Variants in HR observed in about 807,000 individuals in gnomAD.
HR encodes the protein lysine-specific demethylase hairless.
Under a neutral mutation model 128.6 loss-of-function variants are expected in HR, and 83 were observed. The ratio of observed to expected loss-of-function variants is 0.65; its 90% CI spans 0.54 to 0.77. The LOEUF is 0.77. HR is among the 30% of genes least tolerant of loss of function. The probability of loss-of-function intolerance (pLI) is 0.00; values close to 1 mark genes in which losing one functional copy is unlikely to be tolerated. For synonymous variants in HR, 681 were observed against 658.2 expected (o/e 1.03, Z -0.53); for missense variants, 1,490 against 1,574.6 (o/e 0.95, Z 0.91).
intron 13 of HR, 55 bp from the exon 14 acceptor site, chr8:22,119,945 A>G: frequency 3.7e-6 from 6 of 1,610,910 alleles, no homozygotes; most frequent in Non-Finnish European, 5.1e-6. Flanking sequence ...CAGAGACCCC[A>G]TCAAAGCCCC....
Position 22,128,829 on chromosome 8 carries a change from C to T in HR, c.342G>A (p.Ala114=), listed in dbSNP as rs780238003. ...LTHPLAFCGP[A]CPPRCGPLMP... ...TCAGGGGGCCACAGCGAGGTGGGCA[C>T]GCTGGCCCGCAGAATGCCAGCGGAT... is the stretch of plus-strand genomic sequence containing the variant. The change falls in exon 2 of 19, where the codon GCG becomes GCA. Residue 114 remains alanine, a synonymous_variant. Transcript: ENST00000381418. The T allele has an allele frequency of 5.6e-6, 9 of 1,613,208 alleles. 1 individual carries two copies. The highest frequency in any genetic ancestry group is 3.3e-5 in the South Asian group (3 of 91,066).
intron 16 of HR, chr8:22,117,507 ACAACT>A (rs60990664): frequency 0.1 from 16,141 of 157,264 alleles, 850 homozygotes; most frequent in Middle Eastern, 0.13. Flanking sequence ...CCCTGGGGAG[ACAACT>A]CAAAGTGTTC....
At chr8:22,127,015 C>A (rs1387307127) in intron 3 of HR, 22 bp downstream of exon 3, 2 of 1,605,516 alleles carry the variant, frequency 1.2e-6, no homozygotes, top group South Asian at 1.1e-5. Context: ...GCAGGGCCTG[C>A]AGCCCCTCCT....
At chr8:22,126,903 C>G in intron 3 of HR, 134 bp downstream of exon 3, 1 of 830,124 alleles carries the variant, frequency 1.2e-6, no homozygotes, top group Non-Finnish European at 1.9e-6. Context: ...CCCAGAGAGC[C>G]CTCGTGATCC....
At position 22,116,490 on chromosome 8, in the gene HR, G is replaced by A; in HGVS notation, c.3379-62C>T. 6.3e-7 allele frequency: 1 copy of A among 1,577,738 alleles called. No individual in the cohort carries two copies. The highest frequency in any genetic ancestry group is 1.2e-5 in the South Asian group (1 of 86,016). ...CACACATCCTCTCCCTGTCCCCCTG[G>A]TCCCTGAGGTTCGCTTCCTCTAATG... is the stretch of plus-strand genomic sequence containing the variant. On this transcript the variant is annotated intron_variant, in intron 17 of 18. Coordinates refer to ENST00000381418, the MANE Select transcript of HR (RefSeq NM_005144.5). The surrounding 1 kb of genome is among the most constrained non-coding windows in gnomAD (Gnocchi z 4.2).
rs1826863261 is a variant in HR at position 22,125,487 on chromosome 8, T to C, written c.1574A>G (p.Glu525Gly). 2 of 1,613,360 alleles carry C rather than the reference T, an allele frequency of 1.2e-6. No individual in the cohort carries two copies. Among genetic ancestry groups the C allele is most frequent in the Non-Finnish European group, 1.7e-6 (2 of 1,179,962 alleles). ...GGCTGTGTCTTCCTCCTGCTGCAGCTCCCCTCCCAGAGGCGATCTGGAGAG... is the reference window on the plus strand; with the variant it reads ...GGCTGTGTCTTCCTCCTGCTGCAGCCCCCCTCCCAGAGGCGATCTGGAGAG... ...QQVRRSPLGG[E>G]LQQEEDTATN... Residue 525 changes from glutamate to glycine, a missense_variant, in exon 5 of 19, where the codon GAG (glutamate) becomes GGG (glycine). By Grantham distance (98) the Glu-to-Gly change is moderately conservative. Coordinates refer to ENST00000381418, the MANE Select transcript of HR (RefSeq NM_005144.5).
In HR at chr8:22,127,648, G is replaced by T. The variant is rs771639271; in HGVS notation, c.794C>A (p.Pro265Gln). Reference sequence around the variant, plus strand: ...AGTGTCTGGCTGCCCCAGGAAGAGCGGGCAAGGATTCTGCTGCCGGCCAGC... The same window carrying T: ...AGTGTCTGGCTGCCCCAGGAAGAGCTGGCAAGGATTCTGCTGCCGGCCAGC... ...MGAGRQQNPC[P>Q]LFLGQPDTVP... Residue 265 changes from proline (P) to glutamine (Q), a missense_variant, in exon 3 of 19, where the codon CCG becomes CAG. Pro to Gln is a moderately conservative substitution (Grantham distance 76). Coordinates refer to ENST00000381418, the MANE Select transcript of HR (RefSeq NM_005144.5). 3 of 1,609,368 alleles carry T rather than the reference G, an allele frequency of 1.9e-6. No individual in the cohort carries two copies. The highest frequency in any genetic ancestry group is 2.5e-6 in the Non-Finnish European group (3 of 1,178,744).
chr8:22,123,617 T>TTGGGGGGGGGGCCCCCCC, intron 6 of HR, 32 bp downstream of exon 6: 1 of 292,092 alleles, frequency 3.4e-6, no homozygotes, highest in Non-Finnish European at 6.2e-6. Flanking sequence ...GAGGGCTCCA[T>TTGGGGGGGGGGCCCCCCC]CCCGCCCTCC....
chr8:22,116,761 TCCCTG>T lies in HR; in HGVS notation c.3378+109_3378+113del. The T allele has an allele frequency of 7.1e-7, 1 of 1,403,914 alleles. No individual in the cohort carries two copies. Among genetic ancestry groups the T allele is most frequent in the Non-Finnish European group, 9.7e-7 (1 of 1,027,464 alleles). 87.0% of individuals were successfully genotyped at this position (1,403,914 alleles called of 1,614,324 possible). On this transcript the variant is annotated intron_variant, in intron 17 of 18. Transcript: ENST00000381418. The surrounding 1 kb of genome is among the most constrained non-coding windows in gnomAD (Gnocchi z 4.2). ...TCTCTTCCCCACAGCAGCGTGCGGC[TCCCTG>T]CCCTGCCCGGCTCTTGGGTATTGAG...
Position 22,116,529 on chromosome 8 carries a change from AC to A in HR, c.3379-102del. The A allele has an allele frequency of 2.3e-6, 3 of 1,332,668 alleles. No homozygotes were observed. The highest frequency in any genetic ancestry group is 4.4e-5 in the Admixed American group (2 of 45,932). The allele number at this position is 1,332,668 out of a possible 1,614,324, so 82.6% of individuals were successfully genotyped here. On this transcript the variant is annotated intron_variant, in intron 17 of 18. Coordinates refer to ENST00000381418, the MANE Select transcript of HR (RefSeq NM_005144.5). The surrounding 1 kb of genome is among the most constrained non-coding windows in gnomAD (Gnocchi z 4.2). Reference sequence around the variant, plus strand: ...CTTCCTCTAATGACAACCACCCCCGACCCCTGGCTCTCAGAGAGCAGATTCC... The same window carrying A: ...CTTCCTCTAATGACAACCACCCCCGACCCTGGCTCTCAGAGAGCAGATTCC...
At chr8:22,118,917 G>T in intron 16 of HR, 33 bp downstream of exon 16, 1 of 1,572,426 alleles carries the variant, frequency 6.4e-7, no homozygotes, top group Non-Finnish European at 8.7e-7. Context: ...GGCTGGGCGG[G>T]GGGAAGGGGA....
intron 5 of HR, 97 bp from the exon 6 acceptor site, chr8:22,123,910 A>C: frequency 7.1e-7 from 1 of 1,405,594 alleles, no homozygotes; most frequent in East Asian, 2.5e-5. Flanking sequence ...CAGGAGAAGC[A>C]AGGAGCAGCT....
Position 22,115,201 on chromosome 8 carries a change from T to A in HR, c.*499A>T, listed in dbSNP as rs1369643981. 3.6e-5 allele frequency: 7 copies of A among 193,420 alleles called. No individual in the cohort carries two copies. The highest frequency in any genetic ancestry group is 1.4e-4 in the African/African-American group (6 of 42,748). The allele number at this position is 193,420 out of a possible 1,614,324, so 12.0% of individuals were successfully genotyped here. ...TCCTGATGCCACCCTCTCCTCACAC[T>A]CCCCAGATCTTTTGGCAGGAGGGCA... On this transcript the variant is annotated 3_prime_UTR_variant, in exon 19 of 19. Coordinates refer to ENST00000381418, the MANE Select transcript of HR (RefSeq NM_005144.5).
At chr8:22,129,955 G>A (rs1586389426) in intron 1 of HR, among the ~76,000 whole-genome samples, 4 of 152,222 alleles carry the variant, frequency 2.6e-5, no homozygotes, top group African/African-American at 9.6e-5. Context: ...ACAGGGGAGG[G>A]GGATTAAGAA....
Position 22,120,784 on chromosome 8 carries a change from GCCACAGCAAAGC to G in HR, c.2530_2541del (p.Ala844_Trp847del), listed in dbSNP as rs1369024407. Reference sequence around the variant, plus strand: ...CGAGGGCAAGGCTGGGGCTCCTGCAGCCACAGCAAAGCCCCTGGGGGAGGCAGCCGGGGCCGC... The same window carrying G: ...CGAGGGCAAGGCTGGGGCTCCTGCAGCCCTGGGGGAGGCAGCCGGGGCCGC... On this transcript the variant is annotated inframe_deletion, in exon 11 of 19. Transcript: ENST00000381418. The G allele has an allele frequency of 1.3e-6, 2 of 1,535,028 alleles. No homozygotes were observed. The highest frequency in any genetic ancestry group is 2.0e-5 in the Admixed American group (1 of 49,904).
At position 22,115,446 on chromosome 8, in the gene HR, G is replaced by A. The variant is rs767155376; in HGVS notation, c.*254C>T. The A allele has an allele frequency of 3.2e-5, 19 of 587,242 alleles. No individual in the cohort carries two copies. In the Admixed American group the frequency reaches 3.8e-4, roughly 12 times the overall value. 36.4% of individuals were successfully genotyped at this position (587,242 alleles called of 1,614,324 possible). A position where few individuals can be genotyped will look rare whatever the true frequency, so the allele number is the denominator to read the frequency against. ...GGAGGAAGTCAATTGCCCCCAGTGC[G>A]GGCCTGGTACCATGAAAAGGGGCAC... On this transcript the variant is annotated 3_prime_UTR_variant, in exon 19 of 19. Transcript: ENST00000381418.
chr8:22,127,785 C>T lies in HR; in HGVS notation c.657G>A (p.Glu219=). ...ACCCAGGTTCCGCAGCTGCCAAGGGCTCCTTTGCCAACCTGGGAATGCTCG... is the reference window on the plus strand; with the variant it reads ...ACCCAGGTTCCGCAGCTGCCAAGGGTTCCTTTGCCAACCTGGGAATGCTCG... The part of the protein sequence containing the change: ...KDPSIPRLAK[E]PLAAAEPGLF... The change falls in exon 3 of 19, where the codon GAG becomes GAA. Residue 219 remains glutamate, a synonymous_variant. Transcript: ENST00000381418. 6.3e-7 allele frequency: 1 copy of T among 1,599,420 alleles called. No individual in the cohort carries two copies. The highest frequency in any genetic ancestry group is 8.5e-7 in the Non-Finnish European group (1 of 1,179,958).
intron 6 of HR, 40 bp from the exon 7 acceptor site, chr8:22,122,919 A>G (rs945322398): frequency 1.3e-6 from 2 of 1,534,796 alleles, no homozygotes; most frequent in Non-Finnish European, 1.8e-6. Flanking sequence ...TCCAGAAATC[A>G]AGGTAATCAC....
In HR at chr8:22,129,063, C is replaced by G. The variant is rs1183127893; in HGVS notation, c.108G>C (p.Leu36=). The G allele has an allele frequency of 6.3e-7, 1 of 1,586,078 alleles. No homozygotes were observed. Among genetic ancestry groups the G allele is most frequent in the African/African-American group, 1.4e-5 (1 of 74,000 alleles). ...CTCCCAGGCACAGCGGCCCATGGTG[C>G]AGTCCATCTCGAGGCGGGCTGCCGG... ...QEPGSPPRDG[L]HHGPLCLGEP... is the part of the protein sequence containing the mutation. The change falls in exon 2 of 19, where the codon CTG becomes CTC. Residue 36 remains leucine, a synonymous_variant. Transcript: ENST00000381418.
Sources: gnomAD v4.1 joint callset for allele counts (sites outside exome capture counted in the v4.1 genomes callset) on GRCh38, gnomAD v4.1.1 for gene constraint, Gnocchi (gnomAD v3.1) non-coding constraint, MANE v1.5 for transcripts, NCBI Gene and HGNC (gene_info 2026-07-23, HGNC 2026-07-21) for gene names.